Variants in SLC12A2 observed in about 807,000 individuals in gnomAD.
SLC12A2 encodes Na-K-2Cl cotransporter 1.
In SLC12A2, 67 loss-of-function variants were observed where a neutral mutation model predicts 136.3. That is an observed-to-expected ratio of 0.49 (90% CI 0.40 to 0.60). The LOEUF is 0.60. SLC12A2 is among the 20% of genes least tolerant of loss of function. The probability of loss-of-function intolerance (pLI) is 0.00; values close to 1 mark genes in which losing one functional copy is unlikely to be tolerated. For synonymous variants in SLC12A2, 619 were observed against 562.9 expected, an observed-to-expected ratio of 1.10 and a Z score of -1.41; for missense variants, 1,322 against 1,534.7, an observed-to-expected ratio of 0.86 and a Z score of 2.32.
intron 4 of SLC12A2, among the ~76,000 whole-genome samples, chr5:128,120,190 A>T (rs1428832939): frequency 6.6e-6 from 1 of 152,092 alleles, no homozygotes; most frequent in Non-Finnish European, 1.5e-5. Flanking sequence ...AATGGCAATC[A>T]TTAAAAAGTC....
chr5:128,186,479 T>C lies in SLC12A2; in HGVS notation c.3504-17T>C. On this transcript the variant is annotated splice_polypyrimidine_tract_variant and intron_variant, in intron 26 of 26. Transcript: ENST00000262461. ...GCTCAGGGTTTTTTTTTTTTCTTTT[T>C]CTCTTTTTGATACCAGGAGTCTCCC... 1 of 1,572,214 alleles carries C rather than the reference T, an allele frequency of 6.4e-7. No individual in the cohort carries two copies. Among genetic ancestry groups the C allele is most frequent in the Middle Eastern group, 1.7e-4 (1 of 5,832 alleles).
At chr5:128,143,915 T>C (rs1375835040) in intron 10 of SLC12A2, among the ~76,000 whole-genome samples, 1 of 147,970 alleles carries the variant, frequency 6.8e-6, no homozygotes, top group Non-Finnish European at 1.5e-5. Context: ...TATAATAAAA[T>C]TATTTATTAT....
intron 9 of SLC12A2, among the ~76,000 whole-genome samples, chr5:128,140,079 A>G (rs1581103928): frequency 6.6e-6 from 1 of 151,958 alleles, no homozygotes; most frequent in African/African-American, 2.4e-5. Context: ...GCTCACTGCA[A>G]CCTCCGCCTC....
intron 20 of SLC12A2, among the ~76,000 whole-genome samples, chr5:128,176,506 ATG>A (rs1166777317): frequency 6.6e-6 from 1 of 152,028 alleles, no homozygotes; most frequent in Non-Finnish European, 1.5e-5. Flanking sequence ...TTAAATATAA[ATG>A]GATAAATATT....
chr5:128,142,024 TA>T, intron 10 of SLC12A2, 43 bp downstream of exon 10: 1 of 1,523,308 alleles, frequency 6.6e-7, no homozygotes. Flanking sequence ...TGTATTTATC[TA>T]GGGGTGAGAC....
chr5:128,163,392 G>C (rs980567191), intron 17 of SLC12A2, among the ~76,000 whole-genome samples: 3 of 152,080 alleles, frequency 2.0e-5, no homozygotes, highest in African/African-American at 7.2e-5. Flanking sequence ...AGTCAGTTGT[G>C]GTGGCACGCA....
intron 1 of SLC12A2, among the ~76,000 whole-genome samples, chr5:128,111,709 G>T (rs1161512432): frequency 6.6e-6 from 1 of 150,778 alleles, no homozygotes; most frequent in African/African-American, 2.4e-5. Flanking sequence ...AGCTTGCAGT[G>T]AGCTGAGATC....
chr5:128,161,739 A>C lies in SLC12A2; in HGVS notation c.2555A>C (p.Lys852Thr). 2 of 1,535,734 alleles carry C rather than the reference A, an allele frequency of 1.3e-6. No homozygotes were observed. The highest frequency in any genetic ancestry group is 1.7e-6 in the Non-Finnish European group (2 of 1,143,472). ...CGATGGCTTATTAAGAACAAAATGA[A>C]GGCATTTTATGCTCCAGTACATGCA... Reference protein sequence around the residue: ...YQRWLIKNKMKAFYAPVHADD... With the variant: ...YQRWLIKNKMTAFYAPVHADD... Residue 852 changes from lysine to threonine, a missense_variant, in exon 17 of 27, where the codon AAG becomes ACG. This residue lies in a region of SLC12A2 where 226 missense variants were observed against 210.4 expected (regional missense o/e 1.07). Transcript: ENST00000262461.
At chr5:128,167,286 TTAAC>T (rs1396084428) in intron 17 of SLC12A2, among the ~76,000 whole-genome samples, 5 of 152,098 alleles carry the variant, frequency 3.3e-5, no homozygotes, top group African/African-American at 9.7e-5. Context: ...AGGAAGGAAA[TTAAC>T]TAGCCAGATG....
rs758368968 is a variant in SLC12A2, at chr5:128,141,949, C to T, written c.1741C>T (p.Pro581Ser). The T allele has an allele frequency of 1.2e-6, 2 of 1,613,904 alleles. No individual in the cohort carries two copies. Among genetic ancestry groups the T allele is most frequent in the South Asian group, 1.1e-5 (1 of 91,070 alleles). ...NFDFSSCESSPCSYGLMNNFQ... is the reference protein window; with the variant it reads ...NFDFSSCESSSCSYGLMNNFQ... ...TGATTTTTCATCTTGTGAAAGCAGT[C>T]CTTGTTCCTATGGCCTAATGAACAA... Residue 581 changes from proline to serine, a missense_variant, in exon 10 of 27, where the codon CCT (proline) becomes TCT (serine). Pro to Ser is a moderately conservative substitution (Grantham distance 74). This residue lies in a region of SLC12A2 where 294 missense variants were observed against 436.6 expected (regional missense o/e 0.67). Coordinates refer to ENST00000262461, the MANE Select transcript of SLC12A2 (RefSeq NM_001046.3).
At chr5:128,114,326 A>C in intron 3 of SLC12A2, 39 bp downstream of exon 3, 2 of 1,468,256 alleles carry the variant, frequency 1.4e-6, no homozygotes, top group African/African-American at 1.4e-5. Flanking sequence ...GAGAATAAGC[A>C]AAATAACTGT....
Position 128,148,702 on chromosome 5 carries a change from A to G in SLC12A2, c.1882-52A>G, listed in dbSNP as rs113135114. On this transcript the variant is annotated intron_variant, in intron 11 of 26. Transcript: ENST00000262461. ...GATTAACCTATTAGAACTATCAGCA[A>G]ATCTGCATGTCTAATTTTAATATGT... 7 of 1,465,486 alleles carry G rather than the reference A, an allele frequency of 4.8e-6. No homozygotes were observed. The East Asian group carries it at 1.6e-4, about 34-fold the overall frequency. 90.8% of individuals were successfully genotyped at this position (1,465,486 alleles called of 1,614,324 possible).
chr5:128,125,467 T>A (rs1761752906), intron 4 of SLC12A2, among the ~76,000 whole-genome samples: 1 of 152,226 alleles, frequency 6.6e-6, no homozygotes, highest in African/African-American at 2.4e-5. Context: ...TCTTTTGGGA[T>A]GTAGTCACAT....
chr5:128,083,982 T>C lies in SLC12A2; in HGVS notation c.28T>C (p.Ser10Pro), dbSNP rs1363346040. 4.8e-6 allele frequency: 6 copies of C among 1,241,882 alleles called. No individual in the cohort carries two copies. The highest frequency in any genetic ancestry group is 6.0e-6 in the Non-Finnish European group (6 of 993,376). 76.9% of individuals were successfully genotyped at this position (1,241,882 alleles called of 1,614,324 possible). A position where few individuals can be genotyped will look rare whatever the true frequency, so the allele number is the denominator to read the frequency against. The change falls in exon 1 of 27, where the codon TCC becomes CCC. Residue 10 changes from serine to proline, a missense_variant. Coordinates refer to ENST00000262461, the MANE Select transcript of SLC12A2 (RefSeq NM_001046.3). ...GGAGCCGCGGCCCACGGCGCCCTCC[T>C]CCGGCGCCCCGGGACTGGCCGGGGT... MEPRPTAPS[S>P]GAPGLAGVGE... is the part of the protein sequence containing the mutation.
chr5:128,119,660 C>G (rs1761481728), intron 4 of SLC12A2, among the ~76,000 whole-genome samples: 1 of 152,056 alleles, frequency 6.6e-6, no homozygotes, highest in Non-Finnish European at 1.5e-5. Context: ...TAGTGTGATG[C>G]CTCCAGCTTT....
At chr5:128,133,137 A>G (rs1762081828) in intron 5 of SLC12A2, among the ~76,000 whole-genome samples, 1 of 152,076 alleles carries the variant, frequency 6.6e-6, no homozygotes, top group African/African-American at 2.4e-5. Flanking sequence ...AGATTAATTC[A>G]AGAGATGTCG....
chr5:128,165,461 C>T (rs1763172296), intron 17 of SLC12A2, among the ~76,000 whole-genome samples: 1 of 152,152 alleles, frequency 6.6e-6, no homozygotes, highest in Non-Finnish European at 1.5e-5. Context: ...CAGATGACTG[C>T]ATTTTGCTAA....
chr5:128,169,377 T>C (rs1241630499), intron 18 of SLC12A2: 2 of 152,204 alleles, frequency 1.3e-5, no homozygotes, highest in Non-Finnish European at 2.9e-5. Context: ...TAACCACATA[T>C]ATTTGCCTGT....
At chr5:128,127,929 G>A (rs1254552441) in intron 4 of SLC12A2, among the ~76,000 whole-genome samples, 1 of 151,636 alleles carries the variant, frequency 6.6e-6, no homozygotes, top group African/African-American at 2.4e-5. Context: ...AGTTTCTGAA[G>A]TTAGAAGCTT....
Sources: allele counts gnomAD v4.1 joint callset (sites outside exome capture counted in the v4.1 genomes callset), GRCh38; gene constraint gnomAD v4.1.1; regional missense constraint gnomAD v4.1.1; transcripts MANE v1.5; gene names NCBI Gene and HGNC (gene_info 2026-07-23, HGNC 2026-07-21).